STARD13: variants seen among roughly 807,000 people sequenced by gnomAD.
The protein encoded by STARD13 is StAR related lipid transfer domain containing 13, also known as stAR-related lipid transfer protein 13.
A neutral mutation model predicts 106.4 loss-of-function variants in STARD13; 62 were observed. That is an observed-to-expected ratio of 0.58 (90% CI 0.48 to 0.72). The LOEUF is 0.72. STARD13 is among the 30% of genes least tolerant of loss of function. STARD13 has a pLI of 0.00. For synonymous variants in STARD13, 565 were observed against 553.0 expected (o/e 1.02, Z -0.31); for missense variants, 1,387 against 1,424.0 (o/e 0.97, Z 0.42).
the STARD13 span, among the ~76,000 whole-genome samples, chr13:33,603,589 C>G: frequency 6.6e-6 from 1 of 152,020 alleles, no homozygotes; most frequent in Non-Finnish European, 1.5e-5. Context: ...TAAGTATGGG[C>G]CTTATGGATT....
intron 4 of STARD13, among the ~76,000 whole-genome samples, chr13:33,141,782 G>A (rs1045599504): frequency 2.0e-5 from 3 of 152,126 alleles, no homozygotes; most frequent in Non-Finnish European, 4.4e-5. Flanking sequence ...ACTCACTGCT[G>A]TGAAGCATTT....
the STARD13 span, among the ~76,000 whole-genome samples, chr13:33,434,437 A>C: frequency 6.6e-6 from 1 of 152,074 alleles, no homozygotes; most frequent in African/African-American, 2.4e-5. Flanking sequence ...CTTATTGAGC[A>C]AATTAACATT....
At chr13:33,361,249 G>A in the STARD13 span, among the ~76,000 whole-genome samples, 1 of 150,864 alleles carries the variant, frequency 6.6e-6, no homozygotes, top group Non-Finnish European at 1.5e-5. Flanking sequence ...AAGACAATGA[G>A]AATGAAGACC....
the STARD13 span, among the ~76,000 whole-genome samples, chr13:33,496,571 T>G: frequency 6.6e-6 from 1 of 152,066 alleles, no homozygotes; most frequent in Non-Finnish European, 1.5e-5. Flanking sequence ...AGGTCAGACA[T>G]TTGTGTAATA....
chr13:33,461,357 C>A, the STARD13 span, among the ~76,000 whole-genome samples: 1 of 152,268 alleles, frequency 6.6e-6, no homozygotes, highest in Non-Finnish European at 1.5e-5. Context: ...TGCTGAGCAC[C>A]TTCTCTGTCC....
chr13:33,466,793 T>C, the STARD13 span, among the ~76,000 whole-genome samples: 2 of 152,192 alleles, frequency 1.3e-5, no homozygotes, highest in African/African-American at 4.8e-5. Context: ...ATTTATAAAT[T>C]GCTTTCCAAG....
the STARD13 span, among the ~76,000 whole-genome samples, chr13:33,385,724 G>A: frequency 9.2e-5 from 14 of 151,462 alleles, no homozygotes; most frequent in Non-Finnish European, 2.1e-4. Context: ...GCTGGGCGTG[G>A]TGGTGCATGC....
At chr13:33,669,533 T>A in the STARD13 span, among the ~76,000 whole-genome samples, 1 of 142,036 alleles carries the variant, frequency 7.0e-6, no homozygotes, top group Non-Finnish European at 1.5e-5. Context: ...GGATGTTCTT[T>A]TTTTTTTTTT....
the STARD13 span, among the ~76,000 whole-genome samples, chr13:33,434,398 A>G: frequency 6.6e-6 from 1 of 151,928 alleles, no homozygotes; most frequent in Non-Finnish European, 1.5e-5. Context: ...GAAATCAAAC[A>G]GAACGAGATT....
the STARD13 span, among the ~76,000 whole-genome samples, chr13:33,619,716 A>C: frequency 6.6e-6 from 1 of 152,206 alleles, no homozygotes; most frequent in Admixed American, 6.5e-5. Context: ...ATGTAAAACT[A>C]ATCAATAAGA....
chr13:33,174,187 T>C (rs1034035467), intron 1 of STARD13, among the ~76,000 whole-genome samples: 1 of 152,160 alleles, frequency 6.6e-6, no homozygotes, highest in Non-Finnish European at 1.5e-5. Flanking sequence ...GGGGAAACCA[T>C]AGATATTACG....
chr13:33,612,741 A>T, the STARD13 span, among the ~76,000 whole-genome samples: 1 of 152,270 alleles, frequency 6.6e-6, no homozygotes, highest in Middle Eastern at 3.4e-3. Flanking sequence ...GAATGGAGTA[A>T]ATTTGCATTA....
the STARD13 span, among the ~76,000 whole-genome samples, chr13:33,640,898 A>G: frequency 6.6e-6 from 1 of 152,256 alleles, no homozygotes; most frequent in African/African-American, 2.4e-5. Context: ...TTCAAAGGTC[A>G]CTGATATGAG....
intron 1 of STARD13, among the ~76,000 whole-genome samples, chr13:33,342,333 A>T (rs1355088005): frequency 6.6e-6 from 1 of 152,178 alleles, no homozygotes; most frequent in Non-Finnish European, 1.5e-5. Context: ...CATTATACGT[A>T]GGCCCAACCA....
chr13:33,602,517 G>T, the STARD13 span, among the ~76,000 whole-genome samples: 1 of 152,102 alleles, frequency 6.6e-6, no homozygotes, highest in Non-Finnish European at 1.5e-5. Flanking sequence ...TTAAGAAGGT[G>T]GGGGGCAGTT....
chr13:33,172,514 A>G (rs1884082354), intron 1 of STARD13, among the ~76,000 whole-genome samples: 1 of 152,244 alleles, frequency 6.6e-6, no homozygotes, highest in Admixed American at 6.5e-5. Context: ...GTCAGGAAAC[A>G]TAGTGAGCAC....
chr13:33,654,710 C>T, the STARD13 span: 1 of 152,190 alleles, frequency 6.6e-6, no homozygotes, highest in African/African-American at 2.4e-5. Flanking sequence ...TTTCTGCAAA[C>T]TCTTCTGCCA....
At chr13:33,471,662 GA>G in the STARD13 span, among the ~76,000 whole-genome samples, 4 of 150,616 alleles carry the variant, frequency 2.7e-5, no homozygotes, top group South Asian at 6.3e-4. Flanking sequence ...CTCCTTGGGG[GA>G]AAAAAGTCAC....
the STARD13 span, among the ~76,000 whole-genome samples, chr13:33,479,472 C>T: frequency 2.0e-5 from 3 of 152,328 alleles, no homozygotes; most frequent in African/African-American, 7.2e-5. Flanking sequence ...AAGAGTCAAA[C>T]ATATGTCAGC....
Sources: allele counts gnomAD v4.1 joint callset (sites outside exome capture counted in the v4.1 genomes callset), GRCh38; gene constraint gnomAD v4.1.1; transcripts MANE v1.5; gene names NCBI Gene and HGNC (gene_info 2026-07-23, HGNC 2026-07-21).